Variants in CDH26 observed in about 807,000 individuals in gnomAD.
CDH26 encodes the protein cadherin-like protein 26.
In CDH26, 83 loss-of-function variants were observed where a neutral mutation model predicts 90.3. The ratio of observed to expected loss-of-function variants is 0.92; its 90% CI spans 0.77 to 1.10. The LOEUF is 1.10. Among genes scored for constraint, CDH26 ranks in the 50% least tolerant of loss-of-function variants. The pLI is 0.00. For missense variants in CDH26, 1,013 were observed against 1,037.6 expected, an observed-to-expected ratio of 0.98 and a Z score of 0.33; for synonymous variants, 397 against 396.3, an observed-to-expected ratio of 1.00 and a Z score of -0.02.
Position 60,012,857 on chromosome 20 carries a change from C to T in CDH26, c.*127C>T, listed in dbSNP as rs972173754. On this transcript the variant is annotated 3_prime_UTR_variant, in exon 18 of 18. Coordinates refer to ENST00000348616, the MANE Select transcript of CDH26 (RefSeq NM_177980.4). ...TTACCTTCTAGTCCTAGGATGAGGA[C>T]ACACTATTAGTTTGAATTAAATGCT... 2 of 802,960 alleles carry T rather than the reference C, an allele frequency of 2.5e-6. No homozygotes were observed. Among genetic ancestry groups the T allele is most frequent in the East Asian group, 5.3e-5 (2 of 37,420 alleles). The allele number at this position is 802,960 out of a possible 1,614,324, so 49.7% of individuals were successfully genotyped here. A position where few individuals can be genotyped will look rare whatever the true frequency, so the allele number is the denominator to read the frequency against.
chr20:59,960,355 C>A (rs1012009927), intron 1 of CDH26, among the ~76,000 whole-genome samples: 1 of 151,598 alleles, frequency 6.6e-6, no homozygotes, highest in African/African-American at 2.4e-5. Context: ...CTTGGTACTG[C>A]GAAAGTTGTC....
intron 1 of CDH26, among the ~76,000 whole-genome samples, chr20:59,960,874 G>T (rs2061061811): frequency 6.6e-6 from 1 of 152,052 alleles, no homozygotes; most frequent in Non-Finnish European, 1.5e-5. Context: ...GAAAATGGTT[G>T]GCAATATTCA....
In CDH26 at chr20:60,002,823, A is replaced by C; in HGVS notation, c.2177A>C (p.Lys726Thr). 1 of 1,602,044 alleles carries C rather than the reference A, an allele frequency of 6.2e-7. No individual in the cohort carries two copies. Among genetic ancestry groups the C allele is most frequent in the Non-Finnish European group, 8.5e-7 (1 of 1,172,408 alleles). ...TCATCTTTCTTTAAGGGTTATGGCA[A>C]GCCCTTTGAGCCAAGAAGTGTGAAA... ...RCALGSWGYG[K>T]PFEPRSVKNI... The change falls in exon 16 of 18, where the codon AAG becomes ACG. Residue 726 changes from lysine (K) to threonine (T), a missense_variant. Coordinates refer to ENST00000348616, the MANE Select transcript of CDH26 (RefSeq NM_177980.4).
intron 16 of CDH26, among the ~76,000 whole-genome samples, chr20:60,006,251 C>G (rs534611192): frequency 1.3e-5 from 2 of 152,340 alleles, no homozygotes; most frequent in African/African-American, 4.8e-5. Context: ...TTTCCTACCA[C>G]TGTATCCTCT....
chr20:59,981,048 T>G (rs1394368259), intron 4 of CDH26, among the ~76,000 whole-genome samples: 2 of 152,184 alleles, frequency 1.3e-5, no homozygotes, highest in Admixed American at 1.3e-4. Flanking sequence ...ACCATACTTG[T>G]GTGGGCCTAT....
At chr20:59,993,097 C>T (rs755061693) in intron 10 of CDH26, among the ~76,000 whole-genome samples, 2 of 152,160 alleles carry the variant, frequency 1.3e-5, no homozygotes, top group African/African-American at 2.4e-5. Context: ...TATCACTATA[C>T]GTTCCATTCT....
intron 17 of CDH26, among the ~76,000 whole-genome samples, chr20:60,008,088 G>A (rs1372409367): frequency 6.6e-6 from 1 of 152,184 alleles, no homozygotes; most frequent in Non-Finnish European, 1.5e-5. Flanking sequence ...GTACCAAGAA[G>A]CTGCCCAGGC....
intron 15 of CDH26, among the ~76,000 whole-genome samples, chr20:60,001,965 C>A (rs1432915165): frequency 1.3e-5 from 2 of 152,204 alleles, no homozygotes; most frequent in African/African-American, 4.8e-5. Flanking sequence ...TAACCCTACT[C>A]CATGATCAAA....
intron 5 of CDH26, 62 bp from the exon 6 acceptor site, chr20:59,984,577 C>T (rs578227845): frequency 1.7e-5 from 24 of 1,386,052 alleles, no homozygotes; most frequent in Middle Eastern, 1.8e-4. Context: ...ATAATTCATC[C>T]TCTTACTGGT....
Position 59,958,622 on chromosome 20 carries a change from GAAGAA to G in CDH26, c.-104_-100del. ...CCAAAGTGACCTGAAAACCTTTAGA[GAAGAA>G]GCTGCTGGCTGAGAAGGAGGTGTGT... On this transcript the variant is annotated 5_prime_UTR_variant, in exon 1 of 18. Coordinates refer to ENST00000348616, the MANE Select transcript of CDH26 (RefSeq NM_177980.4). 2 of 1,062,884 alleles carry G rather than the reference GAAGAA, an allele frequency of 1.9e-6. No homozygotes were observed. Among genetic ancestry groups the G allele is most frequent in the Non-Finnish European group, 2.9e-6 (2 of 693,736 alleles). The allele number at this position is 1,062,884 out of a possible 1,614,324, so 65.8% of individuals were successfully genotyped here. A position where few individuals can be genotyped will look rare whatever the true frequency, so the allele number is the denominator to read the frequency against.
chr20:60,028,864 A>G (rs1355018379), intron 7 of CDH26, among the ~76,000 whole-genome samples: 7 of 152,222 alleles, frequency 4.6e-5, no homozygotes, highest in African/African-American at 1.7e-4. Flanking sequence ...CCGGATCTCA[A>G]ACAGGTATCT....
At chr20:60,025,725 C>G (rs979614222) in intron 7 of CDH26, among the ~76,000 whole-genome samples, 1 of 152,216 alleles carries the variant, frequency 6.6e-6, no homozygotes, top group African/African-American at 2.4e-5. Flanking sequence ...CTCAGCCCAA[C>G]TGAGAGGAGT....
chr20:60,012,477 G>A (rs779073476), intron 17 of CDH26, 50 bp from the exon 18 acceptor site: 30 of 1,548,400 alleles, frequency 1.9e-5, no homozygotes, highest in Non-Finnish European at 2.5e-5. Flanking sequence ...AAATGAGCTG[G>A]GTATGGAAGC....
chr20:60,018,904 G>C (rs546969230), downstream of CDH26, among the ~76,000 whole-genome samples: 3 of 151,656 alleles, frequency 2.0e-5, no homozygotes, highest in South Asian at 6.3e-4. Flanking sequence ...GATCAGAATA[G>C]TTGTGATGAA....
downstream of CDH26, among the ~76,000 whole-genome samples, chr20:60,015,782 C>G (rs1317302312): frequency 6.6e-6 from 1 of 152,108 alleles, no homozygotes; most frequent in Non-Finnish European, 1.5e-5. Flanking sequence ...CTTTGATCCA[C>G]TTTGAGTTGA....
Position 59,996,624 on chromosome 20 carries a change from A to T in CDH26, c.1889-7A>T. On this transcript the variant is annotated splice_region_variant and splice_polypyrimidine_tract_variant and intron_variant, in intron 12 of 17. Transcript: ENST00000348616. Reference sequence around the variant, plus strand: ...CTAATCTGTTTTTCCCCTTTGTCTTATAACAGTGGCTCTGCTTTTTCTGTT... The same window carrying T: ...CTAATCTGTTTTTCCCCTTTGTCTTTTAACAGTGGCTCTGCTTTTTCTGTT... 2 of 1,614,202 alleles carry T rather than the reference A, an allele frequency of 1.2e-6. No homozygotes were observed. The highest frequency in any genetic ancestry group is 1.7e-6 in the Non-Finnish European group (2 of 1,180,046).
intron 5 of CDH26, among the ~76,000 whole-genome samples, chr20:59,983,327 A>G (rs2061416996): frequency 6.6e-6 from 1 of 152,208 alleles, no homozygotes; most frequent in Non-Finnish European, 1.5e-5. Flanking sequence ...ATAAAGCCAC[A>G]TGCAGTGAGG....
downstream of CDH26, among the ~76,000 whole-genome samples, chr20:60,017,308 G>C (rs6100685): frequency 0.018 from 2,795 of 152,040 alleles, 61 homozygotes; most frequent in African/African-American, 0.051. Context: ...GGTCAATTGA[G>C]GTTTTCTATT....
chr20:60,020,944 G>C (rs1010102997), intron 7 of CDH26, among the ~76,000 whole-genome samples: 6 of 152,172 alleles, frequency 3.9e-5, no homozygotes, highest in African/African-American at 1.4e-4. Flanking sequence ...AGTCCCTCCT[G>C]TCTCTGGGCT....
Sources: gnomAD v4.1 joint callset for allele counts (sites outside exome capture counted in the v4.1 genomes callset) on GRCh38, gnomAD v4.1.1 for gene constraint, MANE v1.5 for transcripts, NCBI Gene and HGNC (gene_info 2026-07-23, HGNC 2026-07-21) for gene names.